The following ARID4B variants were observed in gnomAD, a reference collection of about 807,000 sequenced individuals.
ARID4B encodes AT-rich interactive domain-containing protein 4B.
Under a neutral mutation model 147.5 loss-of-function variants are expected in ARID4B, and 26 were observed. That is an observed-to-expected ratio of 0.18 (90% confidence interval 0.13 to 0.24). ARID4B has a LOEUF of 0.24. Among genes scored for constraint, ARID4B ranks in the 10% least tolerant of loss-of-function variants. The pLI, the probability that ARID4B is intolerant of heterozygous loss-of-function variation, is 1.00. For synonymous variants in ARID4B, 512 were observed against 507.9 expected (o/e 1.01, Z -0.11); for missense variants, 1,179 against 1,511.5 (o/e 0.78, Z 3.65).
chr1:235,273,971 C>T (rs1007145897), intron 2 of ARID4B, among the ~76,000 whole-genome samples: 4 of 152,142 alleles, frequency 2.6e-5, no homozygotes, highest in East Asian at 1.9e-4. Context: ...CTGCAACAAG[C>T]GAAGTAATAC....
At chr1:235,200,040 C>T (rs1471878816) in intron 17 of ARID4B, among the ~76,000 whole-genome samples, 4 of 151,556 alleles carry the variant, frequency 2.6e-5, no homozygotes, top group African/African-American at 4.8e-5. Context: ...GTGGGGAGGC[C>T]GGGCACGGTG....
At chr1:235,297,312 T>C (rs2103232492) in intron 2 of ARID4B, among the ~76,000 whole-genome samples, 1 of 152,270 alleles carries the variant, frequency 6.6e-6, no homozygotes, top group East Asian at 1.9e-4. Flanking sequence ...AAGAAAAATT[T>C]ACTGGTCGTT....
chr1:235,293,107 A>G (rs1672444996), intron 2 of ARID4B, among the ~76,000 whole-genome samples: 1 of 152,210 alleles, frequency 6.6e-6, no homozygotes, highest in South Asian at 2.1e-4. Context: ...TGTGCCAAGC[A>G]TTATGCTTTA....
intron 5 of ARID4B, among the ~76,000 whole-genome samples, chr1:235,253,560 CA>C (rs1240116643): frequency 6.6e-6 from 1 of 152,166 alleles, no homozygotes; most frequent in Admixed American, 6.5e-5. Context: ...ATTTGCCTAT[CA>C]AATCATCATG....
intron 7 of ARID4B, among the ~76,000 whole-genome samples, chr1:235,243,408 G>C (rs949289843): frequency 2.4e-4 from 37 of 152,086 alleles, no homozygotes; most frequent in Admixed American, 6.5e-5. Flanking sequence ...GAGCCTGCTT[G>C]ATTTTTATTC....
In ARID4B at chr1:235,231,481, T is replaced by C. The variant is rs982635789; in HGVS notation, c.666-292A>G. Among the ~76,000 whole-genome samples, 6 of 151,068 alleles carry C rather than the reference T, an allele frequency of 4.0e-5. No individual in the cohort carries two copies. The South Asian group carries it at 8.3e-4, about 21-fold the overall frequency. Reference sequence around the variant, plus strand: ...CCCAAATGCAACACTGAAAACTTTTTTTGTTTTGTTTTGTTTTGTTTTTGA... The same window carrying C: ...CCCAAATGCAACACTGAAAACTTTTCTTGTTTTGTTTTGTTTTGTTTTTGA... On this transcript the variant is annotated intron_variant, in intron 9 of 23. Coordinates refer to ENST00000264183, the MANE Select transcript of ARID4B (RefSeq NM_016374.6).
Position 235,323,730 on chromosome 1 carries a change from G to A in ARID4B, c.6+3184C>T, listed in dbSNP as rs796549290. ...ACCTGGGAGGCAGAGGTTGCAGTGA[G>A]CCGAGATCGCACCACTGCACTCCGG... On this transcript the variant is annotated intron_variant, in intron 2 of 23. Coordinates refer to ENST00000264183, the MANE Select transcript of ARID4B (RefSeq NM_016374.6). Among the ~76,000 whole-genome samples, 7 of 151,468 alleles carry A rather than the reference G, an allele frequency of 4.6e-5. 1 individual carries two copies. The highest frequency in any genetic ancestry group is 1.7e-4 in the African/African-American group (7 of 41,348).
At chr1:235,263,319 T>A (rs1177877526) in intron 2 of ARID4B, among the ~76,000 whole-genome samples, 1 of 152,254 alleles carries the variant, frequency 6.6e-6, no homozygotes, top group East Asian at 1.9e-4. Context: ...AAATTTTTAA[T>A]AGATAATTCT....
In ARID4B at chr1:235,214,009, T is replaced by A. The variant is rs1271282018; in HGVS notation, c.1601A>T (p.Glu534Val). ...TGCTTCTTCATCATCTTCATCTTCTTCTTTATTCGTTTCATCTCTTGAAAG... is the reference window on the plus strand; with the variant it reads ...TGCTTCTTCATCATCTTCATCTTCTACTTTATTCGTTTCATCTCTTGAAAG... ...KAKSGDETNK[E>V]EDEDDEEAEE... The change falls in exon 17 of 24, where the codon GAA becomes GTA. Residue 534 changes from glutamate (E) to valine (V), a missense_variant. Transcript: ENST00000264183. 6.3e-7 allele frequency: 1 copy of A among 1,595,302 alleles called. No individual in the cohort carries two copies. Among genetic ancestry groups the A allele is most frequent in the Non-Finnish European group, 8.6e-7 (1 of 1,163,926 alleles).
intron 9 of ARID4B, 120 bp downstream of exon 9, chr1:235,234,293 A>G: frequency 6.1e-6 from 4 of 660,492 alleles, no homozygotes; most frequent in Non-Finnish European, 1.1e-5. Context: ...AACATTCTGT[A>G]TGATGAAAAA....
At chr1:235,311,273 A>G (rs1427319467) in intron 2 of ARID4B, among the ~76,000 whole-genome samples, 1 of 151,624 alleles carries the variant, frequency 6.6e-6, no homozygotes, top group African/African-American at 2.4e-5. Flanking sequence ...GGATCGCTTG[A>G]GCCCAGAAGG....
intron 2 of ARID4B, among the ~76,000 whole-genome samples, chr1:235,278,583 G>T (rs1390604278): frequency 6.6e-6 from 1 of 152,090 alleles, no homozygotes; most frequent in Non-Finnish European, 1.5e-5. Flanking sequence ...AAGATTAACT[G>T]AGCACACACA....
chr1:235,318,324 C>T (rs1674583173), intron 2 of ARID4B, among the ~76,000 whole-genome samples: 1 of 151,766 alleles, frequency 6.6e-6, no homozygotes, highest in South Asian at 2.1e-4. Flanking sequence ...TACAGGCGCC[C>T]ACCACCACAC....
At chr1:235,286,446 A>G (rs1232720070) in intron 2 of ARID4B, among the ~76,000 whole-genome samples, 9 of 152,222 alleles carry the variant, frequency 5.9e-5, no homozygotes, top group Non-Finnish European at 1.3e-4. Flanking sequence ...GGAATCTGTT[A>G]AACAGTTAAG....
intron 19 of ARID4B, among the ~76,000 whole-genome samples, chr1:235,185,824 T>A (rs2102934899): frequency 6.6e-6 from 1 of 152,318 alleles, no homozygotes; most frequent in East Asian, 1.9e-4. Flanking sequence ...TGGTTTCTCA[T>A]TCCTTTGTGG....
At chr1:235,209,927 C>G (rs1666603261) in intron 17 of ARID4B, among the ~76,000 whole-genome samples, 1 of 152,042 alleles carries the variant, frequency 6.6e-6, no homozygotes, top group Admixed American at 6.6e-5. Flanking sequence ...AATCTCTTTA[C>G]CGGAAAAACA....
At chr1:235,201,628 A>G (rs1000573420) in intron 17 of ARID4B, among the ~76,000 whole-genome samples, 2 of 152,156 alleles carry the variant, frequency 1.3e-5, no homozygotes, top group African/African-American at 2.4e-5. Context: ...CTGGCGGAAT[A>G]CAATAATCTT....
chr1:235,180,092 C>G (rs1390521661), intron 20 of ARID4B: 1 of 149,166 alleles, frequency 6.7e-6, no homozygotes, highest in African/African-American at 2.5e-5. Context: ...CCCAAGAAAA[C>G]CTATAACAAT....
chr1:235,264,079 TAGAA>T (rs765828307), intron 2 of ARID4B, among the ~76,000 whole-genome samples: 14 of 152,168 alleles, frequency 9.2e-5, no homozygotes, highest in African/African-American at 1.4e-4. Context: ...GTTAATTCGT[TAGAA>T]AGAGCACAGA....
Sources: gnomAD v4.1 joint callset for allele counts (sites outside exome capture counted in the v4.1 genomes callset) on GRCh38, gnomAD v4.1.1 for gene constraint, MANE v1.5 for transcripts, NCBI Gene and HGNC (gene_info 2026-07-23, HGNC 2026-07-21) for gene names.